SDK2: variants seen among roughly 807,000 people sequenced by gnomAD.
The protein encoded by SDK2 is protein sidekick-2.
Under a neutral mutation model 253.9 loss-of-function variants are expected in SDK2, and 105 were observed. The observed-to-expected ratio is 0.41, with a 90% CI of 0.35 to 0.49. The LOEUF (loss-of-function observed/expected upper bound fraction) is 0.49, where lower values mean the gene tolerates loss of function less well. SDK2 is among the 20% of genes least tolerant of loss of function. SDK2 has a pLI of 0.06. For missense variants in SDK2, 2,608 were observed against 3,003.0 expected (o/e 0.87, Z 3.07); for synonymous variants, 1,249 against 1,234.9 (o/e 1.01, Z -0.24).
chr17:73,438,804 G>A (rs996757056), intron 6 of SDK2, among the ~76,000 whole-genome samples: 5 of 152,060 alleles, frequency 3.3e-5, no homozygotes, highest in African/African-American at 9.7e-5. Context: ...CCCTGAGGAC[G>A]GATCTTCCAA....
intron 1 of SDK2, among the ~76,000 whole-genome samples, chr17:73,604,848 G>A (rs1479739913): frequency 2.6e-5 from 4 of 152,204 alleles, no homozygotes; most frequent in African/African-American, 7.2e-5. Flanking sequence ...CGTGGTGGGC[G>A]AGGATGCCAT....
In SDK2 at chr17:73,541,113, C is replaced by T. The variant is rs2044862381; in HGVS notation, c.65-33516G>A. ...CAGCCCCTAACATGGGGCACCCCTC[C>T]CGCTACTCCTGGCCAAAGTGGTATG... On this transcript the variant is annotated intron_variant, in intron 1 of 44. Coordinates refer to ENST00000392650, the MANE Select transcript of SDK2 (RefSeq NM_001144952.2). This position sits in a 1 kb window ranked among gnomAD's most constrained non-coding sequence, Gnocchi z 4.3. Among the ~76,000 whole-genome samples, 1 of 152,206 alleles carries T rather than the reference C, an allele frequency of 6.6e-6. No homozygotes were observed. The highest frequency in any genetic ancestry group is 1.5e-5 in the Non-Finnish European group (1 of 68,036).
At chr17:73,562,051 G>A (rs1021795479) in intron 1 of SDK2, among the ~76,000 whole-genome samples, 4 of 152,106 alleles carry the variant, frequency 2.6e-5, no homozygotes, top group East Asian at 1.9e-4. Flanking sequence ...GCTTGAACCC[G>A]GGAGGCAGAG....
intron 18 of SDK2, among the ~76,000 whole-genome samples, chr17:73,408,517 C>A (rs953943828): frequency 2.0e-5 from 3 of 152,158 alleles, no homozygotes; most frequent in Non-Finnish European, 4.4e-5. Flanking sequence ...AGCCATCACA[C>A]CCCGAAGTAA....
Position 73,435,564 on chromosome 17 carries a change from T to C in SDK2, c.1081A>G (p.Asn361Asp), listed in dbSNP as rs2063361142. 1 of 1,588,516 alleles carries C rather than the reference T, an allele frequency of 6.3e-7. No homozygotes were observed. The highest frequency in any genetic ancestry group is 8.6e-7 in the Non-Finnish European group (1 of 1,167,718). Residue 361 changes from asparagine to aspartate, a missense_variant, in exon 9 of 45, where the codon AAC becomes GAC. Asn to Asp is a conservative substitution (Grantham distance 23, BLOSUM62 1). Transcript: ENST00000392650. This position sits in a 1 kb window ranked among gnomAD's most constrained non-coding sequence, Gnocchi z 5.7. The stretch of plus-strand genomic sequence containing the variant: ...CCGCTGATCTGCAGGCCCCCGTCGT[T>C]GCGCTGCCGGAAGCGGGTCAACTTC... ...VEKLTRFRQRNDGGLQISGLV... is the reference protein window; with the variant it reads ...VEKLTRFRQRDDGGLQISGLV...
At chr17:73,525,840 G>T (rs530702743) in intron 1 of SDK2, among the ~76,000 whole-genome samples, 1 of 152,120 alleles carries the variant, frequency 6.6e-6, no homozygotes, top group South Asian at 2.1e-4. Flanking sequence ...TGCAGAATAT[G>T]CATTTCAACC....
chr17:73,368,222 T>C (rs2062701982), intron 37 of SDK2, among the ~76,000 whole-genome samples, 185 bp downstream of exon 37: 1 of 152,138 alleles, frequency 6.6e-6, no homozygotes, highest in African/African-American at 2.4e-5. Context: ...GGACAGCTTC[T>C]CTTTTCTGAG....
At chr17:73,365,695 T>C (rs4969113) in intron 37 of SDK2, among the ~76,000 whole-genome samples, 70,208 of 151,978 alleles carry the variant, frequency 0.46, 17,536 homozygotes, top group East Asian at 0.63. Context: ...GGGCTATGAG[T>C]GTGGGACAAG....
chr17:73,569,387 G>A (rs1396038657), intron 1 of SDK2, among the ~76,000 whole-genome samples: 6 of 151,970 alleles, frequency 3.9e-5, no homozygotes, highest in African/African-American at 1.4e-4. Flanking sequence ...TAGTAGAGAC[G>A]GGGTTTCACC....
chr17:73,517,610 T>C (rs1161654155), intron 1 of SDK2: 2 of 152,252 alleles, frequency 1.3e-5, no homozygotes, highest in Admixed American at 6.5e-5. Flanking sequence ...TTCAGACTTC[T>C]GGCCTCCAGA....
At chr17:73,491,374 C>G (rs1456248361) in intron 2 of SDK2, among the ~76,000 whole-genome samples, 3 of 133,972 alleles carry the variant, frequency 2.2e-5, no homozygotes, top group Non-Finnish European at 1.6e-5. Flanking sequence ...TGTTTTTTGG[C>G]TTTTTTTTTT....
intron 27 of SDK2, 117 bp downstream of exon 27, chr17:73,393,443 T>A: frequency 1.1e-6 from 1 of 917,454 alleles, no homozygotes; most frequent in Non-Finnish European, 1.5e-6. Context: ...ACCGGAGGCA[T>A]CTGAGGCCAT....
chr17:73,533,944 T>A (rs1354852332), intron 1 of SDK2, among the ~76,000 whole-genome samples: 1 of 152,034 alleles, frequency 6.6e-6, no homozygotes, highest in African/African-American at 2.4e-5. Context: ...CTGAAATTCA[T>A]CACTTTCCAA....
intron 10 of SDK2, among the ~76,000 whole-genome samples, chr17:73,433,288 C>CT (rs71157015): frequency 1.6e-3 from 238 of 147,532 alleles, no homozygotes; most frequent in African/African-American, 3.2e-3. Flanking sequence ...GAAGGATGCT[C>CT]TTTTTTTTTT....
At chr17:73,516,814 G>A (rs1354256426) in intron 1 of SDK2, 1 of 152,242 alleles carries the variant, frequency 6.6e-6, no homozygotes, top group African/African-American at 2.4e-5. Context: ...TCAGAGAAGC[G>A]TGTTTGAAAA....
intron 36 of SDK2, 33 bp from the exon 37 acceptor site, chr17:73,368,626 G>A: frequency 1.3e-6 from 2 of 1,502,218 alleles, no homozygotes; most frequent in Non-Finnish European, 9.0e-7. Flanking sequence ...GAGTGAGGGG[G>A]ACAGGGGCAA....
At chr17:73,393,509 G>A in intron 27 of SDK2, 51 bp downstream of exon 27, 1 of 1,459,882 alleles carries the variant, frequency 6.8e-7, no homozygotes, top group Non-Finnish European at 9.2e-7. Flanking sequence ...TGGGCAGGAG[G>A]AAGGGCGGCT....
intron 32 of SDK2, among the ~76,000 whole-genome samples, chr17:73,385,041 C>T (rs2062861200): frequency 6.6e-6 from 1 of 152,186 alleles, no homozygotes; most frequent in African/African-American, 2.4e-5. Flanking sequence ...ACCCTCCTGG[C>T]TTTGTCTTCA....
At chr17:73,602,509 A>C (rs1431746077) in intron 1 of SDK2, among the ~76,000 whole-genome samples, 1 of 150,834 alleles carries the variant, frequency 6.6e-6, no homozygotes, top group Admixed American at 6.6e-5. Flanking sequence ...TGGAAGAAAA[A>C]AAAAGTCTAA....
Sources: gnomAD v4.1 joint callset for allele counts (sites outside exome capture counted in the v4.1 genomes callset) on GRCh38, gnomAD v4.1.1 for gene constraint, Gnocchi (gnomAD v3.1) non-coding constraint, MANE v1.5 for transcripts, NCBI Gene and HGNC (gene_info 2026-07-23, HGNC 2026-07-21) for gene names.